DLGAP2: variants seen among roughly 807,000 people sequenced by gnomAD.
The protein encoded by DLGAP2 is DLG associated protein 2.
Under a neutral mutation model 100.3 loss-of-function variants are expected in DLGAP2, and 26 were observed. That is an observed-to-expected ratio of 0.26 (90% CI 0.19 to 0.36). The LOEUF is 0.36. Among genes scored for constraint, DLGAP2 ranks in the 10% least tolerant of loss-of-function variants. The pLI, the probability that DLGAP2 is intolerant of heterozygous loss-of-function variation, is 1.00. For synonymous variants in DLGAP2, 886 were observed against 630.1 expected (o/e 1.41, Z -6.08); for missense variants, 1,858 against 1,453.2 (o/e 1.28, Z -4.53).
intron 1 of DLGAP2, among the ~76,000 whole-genome samples, chr8:809,220 A>C (rs1796323997): frequency 6.6e-6 from 1 of 152,118 alleles, no homozygotes; most frequent in Middle Eastern, 3.2e-3. Context: ...TTACTTCTTC[A>C]TATTTTATTT....
At chr8:982,057 T>C (rs1800351943) in intron 2 of DLGAP2, among the ~76,000 whole-genome samples, 1 of 152,224 alleles carries the variant, frequency 6.6e-6, no homozygotes, top group South Asian at 2.1e-4. Context: ...TGGCTAACCA[T>C]GTCTCCTCTG....
chr8:770,113 G>T (rs896814414), intron 1 of DLGAP2, among the ~76,000 whole-genome samples: 1 of 152,270 alleles, frequency 6.6e-6, no homozygotes, highest in East Asian at 1.9e-4. Context: ...CACAGGTTTT[G>T]TACGTTTTTA....
intron 3 of DLGAP2, among the ~76,000 whole-genome samples, chr8:1,465,433 AG>A (rs1798598257): frequency 6.6e-6 from 1 of 151,736 alleles, no homozygotes; most frequent in Non-Finnish European, 1.5e-5. Flanking sequence ...AGATGAGCAG[AG>A]GGAAGGGGCG....
intron 2 of DLGAP2, among the ~76,000 whole-genome samples, chr8:1,241,575 C>T (rs1352358322): frequency 1.3e-5 from 2 of 152,230 alleles, no homozygotes; most frequent in Non-Finnish European, 2.9e-5. Flanking sequence ...CAGTTCTCTC[C>T]TGGGTGGAGC....
chr8:914,278 A>G (rs375055905), intron 2 of DLGAP2, among the ~76,000 whole-genome samples: 45 of 152,082 alleles, frequency 3.0e-4, no homozygotes, highest in African/African-American at 1.0e-3. Flanking sequence ...GCCTCTAATG[A>G]CCCAGCGCCA....
At chr8:1,224,309 C>T (rs988770066) in intron 2 of DLGAP2, among the ~76,000 whole-genome samples, 1 of 152,150 alleles carries the variant, frequency 6.6e-6, no homozygotes, top group African/African-American at 2.4e-5. Flanking sequence ...AATTGACATG[C>T]GTATTTGTAA....
intron 4 of DLGAP2, among the ~76,000 whole-genome samples, chr8:1,544,279 A>G (rs1801459629): frequency 6.6e-6 from 1 of 152,092 alleles, no homozygotes; most frequent in African/African-American, 2.4e-5. Flanking sequence ...TTGCTTTTCT[A>G]ATTTCCTTTT....
chr8:1,541,775 A>G (rs994828710), intron 4 of DLGAP2, among the ~76,000 whole-genome samples: 6 of 152,204 alleles, frequency 3.9e-5, no homozygotes, highest in African/African-American at 1.4e-4. Flanking sequence ...GTGTAACTCA[A>G]ACTCACATTA....
At chr8:841,382 C>G (rs76005835) in intron 1 of DLGAP2, among the ~76,000 whole-genome samples, 29,255 of 152,146 alleles carry the variant, frequency 0.19, 3,546 homozygotes, top group Admixed American at 0.38. Flanking sequence ...CCTTGGGACA[C>G]AACCCTGGCA....
chr8:758,100 A>G (rs145155970), intron 1 of DLGAP2, among the ~76,000 whole-genome samples: 1,775 of 152,366 alleles, frequency 0.012, 19 homozygotes, highest in Middle Eastern at 0.024. Flanking sequence ...TGGAAAGATC[A>G]GAATGAAAAT....
intron 2 of DLGAP2, chr8:1,002,264 A>C (rs1563137911): frequency 6.6e-6 from 1 of 152,148 alleles, no homozygotes; most frequent in African/African-American, 2.4e-5. Flanking sequence ...TCTTCTTTCA[A>C]CGAACATCTC....
chr8:997,321 T>C (rs1159760607), intron 2 of DLGAP2, among the ~76,000 whole-genome samples: 1 of 152,248 alleles, frequency 6.6e-6, no homozygotes, highest in East Asian at 1.9e-4. Context: ...AAAAATGCTA[T>C]TTAAATATCT....
intron 3 of DLGAP2, among the ~76,000 whole-genome samples, chr8:1,315,074 G>C (rs1040401596): frequency 1.3e-5 from 2 of 152,206 alleles, no homozygotes; most frequent in African/African-American, 4.8e-5. Context: ...TTTTACAAAA[G>C]AGGTTTTTTC....
intron 2 of DLGAP2, among the ~76,000 whole-genome samples, chr8:1,138,363 G>A (rs538010052): frequency 1.3e-5 from 2 of 152,346 alleles, no homozygotes; most frequent in Non-Finnish European, 2.9e-5. Context: ...GGCCCTGCCT[G>A]CCCTGCATGC....
At chr8:1,685,964 G>T (rs1344624772) in intron 12 of DLGAP2, among the ~76,000 whole-genome samples, 2 of 152,168 alleles carry the variant, frequency 1.3e-5, no homozygotes, top group Non-Finnish European at 2.9e-5. Flanking sequence ...GGGAAAGCTT[G>T]CACACTGCTG....
At chr8:1,434,312 G>A (rs1797553817) in intron 3 of DLGAP2, among the ~76,000 whole-genome samples, 1 of 152,130 alleles carries the variant, frequency 6.6e-6, no homozygotes, top group African/African-American at 2.4e-5. Flanking sequence ...CCAGGAGGCT[G>A]ACAGGAGACA....
At chr8:794,048 G>A (rs1295982075) in intron 1 of DLGAP2, among the ~76,000 whole-genome samples, 1 of 152,076 alleles carries the variant, frequency 6.6e-6, no homozygotes, top group Non-Finnish European at 1.5e-5. Context: ...TGGCGTGAGT[G>A]AGGTTGGGAT....
chr8:1,358,344 C>T (rs546978835), intron 3 of DLGAP2, among the ~76,000 whole-genome samples: 51 of 152,142 alleles, frequency 3.4e-4, no homozygotes, highest in African/African-American at 9.9e-4. Context: ...TCGTAGATTA[C>T]GGGAAAAAGG....
At chr8:1,522,712 G>A (rs565418950) in intron 4 of DLGAP2, among the ~76,000 whole-genome samples, 2 of 152,284 alleles carry the variant, frequency 1.3e-5, no homozygotes, top group South Asian at 2.1e-4. Flanking sequence ...GAGTTTTCAG[G>A]ATCAGGAGAC....
Sources: allele counts gnomAD v4.1 joint callset (sites outside exome capture counted in the v4.1 genomes callset), GRCh38; gene constraint gnomAD v4.1.1; transcripts MANE v1.5; gene names NCBI Gene and HGNC (gene_info 2026-07-23, HGNC 2026-07-21).